The following COL8A1 variants were observed in gnomAD, a reference collection of about 807,000 sequenced individuals.
The protein encoded by COL8A1 is collagen alpha-1(VIII) chain.
A neutral mutation model predicts 42.7 loss-of-function variants in COL8A1; 21 were observed. The ratio of observed to expected loss-of-function variants is 0.49; its 90% CI spans 0.35 to 0.71. The LOEUF (loss-of-function observed/expected upper bound fraction) is 0.71. Ranked by LOEUF, COL8A1 falls within the 30% of genes least tolerant of loss-of-function variation. The pLI, the probability that COL8A1 is intolerant of heterozygous loss-of-function variation, is 0.01. For missense variants in COL8A1, 788 were observed against 962.4 expected (o/e 0.82, Z 2.40); for synonymous variants, 367 against 369.1 (o/e 0.99, Z 0.06).
At chr3:99,787,094 A>T (rs1410297915) in intron 2 of COL8A1, among the ~76,000 whole-genome samples, 1 of 152,224 alleles carries the variant, frequency 6.6e-6, no homozygotes, top group Non-Finnish European at 1.5e-5. Context: ...ATTCAAGGCA[A>T]GGACCAACAG....
chr3:99,749,900 T>C (rs1649525180), intron 2 of COL8A1, among the ~76,000 whole-genome samples: 1 of 151,920 alleles, frequency 6.6e-6, no homozygotes, highest in South Asian at 2.1e-4. Context: ...ACTAAAGAGT[T>C]TTATAAACTT....
intron 1 of COL8A1, among the ~76,000 whole-genome samples, chr3:99,740,555 G>T (rs541918556): frequency 6.6e-6 from 1 of 152,144 alleles, no homozygotes; most frequent in African/African-American, 2.4e-5. Flanking sequence ...AAAACCATCA[G>T]ATCCTGTGAG....
chr3:99,736,245 G>A (rs1371841343), intron 1 of COL8A1, among the ~76,000 whole-genome samples: 3 of 151,968 alleles, frequency 2.0e-5, no homozygotes, highest in African/African-American at 7.3e-5. Context: ...TGTGATGTTA[G>A]GGTGTCAATT....
chr3:99,772,174 GA>G (rs1232375966), intron 2 of COL8A1, among the ~76,000 whole-genome samples: 1 of 152,190 alleles, frequency 6.6e-6, no homozygotes, highest in Non-Finnish European at 1.5e-5. Context: ...ATCAAGCCAT[GA>G]AAAGACATGT....
At chr3:99,792,978 T>A (rs1467287018) in intron 3 of COL8A1, among the ~76,000 whole-genome samples, 1 of 152,194 alleles carries the variant, frequency 6.6e-6, no homozygotes, top group East Asian at 1.9e-4. Context: ...AGAGGAAATA[T>A]CTTGGCCATA....
chr3:99,685,033 G>A (rs639355), intron 1 of COL8A1, among the ~76,000 whole-genome samples: 63,700 of 151,922 alleles, frequency 0.42, 14,027 homozygotes, highest in Middle Eastern at 0.5. Context: ...AGATTTTACC[G>A]TCTTTAAAAA....
At chr3:99,772,767 CCAAA>C (rs1451245107) in intron 2 of COL8A1, among the ~76,000 whole-genome samples, 1 of 152,130 alleles carries the variant, frequency 6.6e-6, no homozygotes, top group Non-Finnish European at 1.5e-5. Context: ...CCAGGGCTCA[CCAAA>C]CAATGGCCAG....
At chr3:99,733,666 T>C (rs1402597014) in intron 1 of COL8A1, among the ~76,000 whole-genome samples, 1 of 151,866 alleles carries the variant, frequency 6.6e-6, no homozygotes, top group Non-Finnish European at 1.5e-5. Flanking sequence ...ATATACCCAG[T>C]AATGGGATGG....
chr3:99,773,518 G>A (rs1160183213), intron 2 of COL8A1, among the ~76,000 whole-genome samples: 1 of 152,028 alleles, frequency 6.6e-6, no homozygotes, highest in Non-Finnish European at 1.5e-5. Flanking sequence ...AATCTTTATT[G>A]TGGGGATCTT....
At chr3:99,748,330 GT>G (rs1941073833) in intron 2 of COL8A1, among the ~76,000 whole-genome samples, 1 of 152,162 alleles carries the variant, frequency 6.6e-6, no homozygotes, top group East Asian at 1.9e-4. Context: ...AATGTGGCTA[GT>G]CCCAATTGAG....
chr3:99,750,337 G>C (rs967891713), intron 2 of COL8A1, among the ~76,000 whole-genome samples: 1 of 151,982 alleles, frequency 6.6e-6, no homozygotes, highest in Admixed American at 6.6e-5. Flanking sequence ...GATTACAGGC[G>C]TGAGCCACTA....
At chr3:99,711,586 T>G (rs570086519) in intron 1 of COL8A1, among the ~76,000 whole-genome samples, 1 of 152,224 alleles carries the variant, frequency 6.6e-6, no homozygotes, top group South Asian at 2.1e-4. Context: ...CAAATGGAAG[T>G]GACCTAATAC....
intron 2 of COL8A1, among the ~76,000 whole-genome samples, chr3:99,786,356 G>A (rs893189194): frequency 1.3e-5 from 2 of 152,170 alleles, no homozygotes; most frequent in African/African-American, 4.8e-5. Flanking sequence ...TGAGTGCAAA[G>A]TCCTCATGAA....
intron 1 of COL8A1, among the ~76,000 whole-genome samples, chr3:99,643,108 CA>C (rs748491898): frequency 1.3e-5 from 2 of 152,186 alleles, no homozygotes; most frequent in Non-Finnish European, 2.9e-5. Flanking sequence ...CAGATGAGTA[CA>C]GCACACCCAA....
intron 2 of COL8A1, among the ~76,000 whole-genome samples, chr3:99,760,448 G>T (rs906206798): frequency 6.6e-6 from 1 of 152,156 alleles, no homozygotes; most frequent in Admixed American, 6.5e-5. Context: ...CAGCTAGAAA[G>T]AATTTTGCTG....
At chr3:99,713,152 C>A (rs1387661669) in intron 1 of COL8A1, among the ~76,000 whole-genome samples, 1 of 152,080 alleles carries the variant, frequency 6.6e-6, no homozygotes, top group African/African-American at 2.4e-5. Flanking sequence ...CTGAGAGTTA[C>A]TTCTTCTTAT....
chr3:99,647,890 C>G (rs1937699067), intron 1 of COL8A1, among the ~76,000 whole-genome samples: 1 of 152,132 alleles, frequency 6.6e-6, no homozygotes, highest in Non-Finnish European at 1.5e-5. Flanking sequence ...TACTATTTCT[C>G]TTAGGACATT....
chr3:99,640,380 C>G (rs1163290526), intron 1 of COL8A1, among the ~76,000 whole-genome samples: 1 of 152,122 alleles, frequency 6.6e-6, no homozygotes, highest in African/African-American at 2.4e-5. Context: ...CAAGTTAATT[C>G]TTCTTTTATG....
intron 1 of COL8A1, among the ~76,000 whole-genome samples, chr3:99,668,202 A>G (rs1199957015): frequency 1.3e-5 from 2 of 152,114 alleles, no homozygotes; most frequent in Non-Finnish European, 2.9e-5. Flanking sequence ...AAACAAAACA[A>G]ATGTTTCCTG....
Sources: gnomAD v4.1 joint callset for allele counts (sites outside exome capture counted in the v4.1 genomes callset) on GRCh38, gnomAD v4.1.1 for gene constraint, MANE v1.5 for transcripts, NCBI Gene and HGNC (gene_info 2026-07-23, HGNC 2026-07-21) for gene names.